Variants in RBFOX3 observed in about 807,000 individuals in gnomAD.
RBFOX3 encodes RNA binding protein fox-1 homolog 3.
In RBFOX3, 17 loss-of-function variants were observed where a neutral mutation model predicts 48.7. The observed-to-expected ratio is 0.35, with a 90% CI of 0.24 to 0.52. The LOEUF (loss-of-function observed/expected upper bound fraction) is 0.52, where lower values mean the gene tolerates loss of function less well. Ranked by LOEUF, RBFOX3 falls within the 20% of genes least tolerant of loss-of-function variation. The probability of loss-of-function intolerance (pLI) is 0.94; values close to 1 mark genes in which losing one functional copy is unlikely to be tolerated. For missense variants in RBFOX3, 382 were observed against 497.5 expected (o/e 0.77, Z 2.21); for synonymous variants, 212 against 209.5 (o/e 1.01, Z -0.10).
chr17:79,208,555 C>T (rs928536799), intron 4 of RBFOX3: 3 of 152,422 alleles, frequency 2.0e-5, no homozygotes, highest in African/African-American at 7.2e-5. Flanking sequence ...AGCTGTTCAT[C>T]TTCTCATGGA....
intron 1 of RBFOX3, among the ~76,000 whole-genome samples, chr17:79,608,895 C>T (rs1381458757): frequency 2.0e-5 from 3 of 152,024 alleles, no homozygotes; most frequent in Non-Finnish European, 4.4e-5. Flanking sequence ...GAAGGCGCGC[C>T]GGGATGGTTC....
intron 4 of RBFOX3, among the ~76,000 whole-genome samples, chr17:79,181,673 C>G (rs2051976180): frequency 6.9e-6 from 1 of 145,600 alleles, no homozygotes; most frequent in Non-Finnish European, 1.5e-5. Context: ...TGCTGGCCAC[C>G]CTCTGCTCCT....
intron 2 of RBFOX3, among the ~76,000 whole-genome samples, chr17:79,465,706 G>A (rs962259686): frequency 2.0e-5 from 3 of 152,326 alleles, no homozygotes; most frequent in East Asian, 1.9e-4. Flanking sequence ...GGCTCCCGTC[G>A]GGGCCTGCCC....
chr17:79,427,097 T>G, intron 2 of RBFOX3, among the ~76,000 whole-genome samples: 1 of 152,208 alleles, frequency 6.6e-6, no homozygotes, highest in East Asian at 1.9e-4. Flanking sequence ...CCCGAAGCTC[T>G]CTACATCCTC....
chr17:79,255,671 C>T (rs890355800), intron 3 of RBFOX3, among the ~76,000 whole-genome samples: 5 of 152,004 alleles, frequency 3.3e-5, no homozygotes, highest in African/African-American at 7.2e-5. Flanking sequence ...GCAGGGTGGC[C>T]GGTGCTCAGC....
rs577790795 is a variant in RBFOX3 at position 79,412,687 on chromosome 17, ATGTG to A, written c.-175+69763_-175+69766del. On this transcript the variant is annotated intron_variant, in intron 2 of 14. Transcript: ENST00000693108. ...GTGTGAGTGTATGGTATATGTGTATATGTGTGTATGCACATATGTGTATGTGTGA... is the reference window on the plus strand; with the variant it reads ...GTGTGAGTGTATGGTATATGTGTATATGTATGCACATATGTGTATGTGTGA... 3.5e-3 allele frequency among the ~76,000 whole-genome samples: 534 copies of A among 150,472 alleles called. 2 individuals are homozygous for A. The highest frequency in any genetic ancestry group is 0.013 in the African/African-American group (512 of 40,794).
intron 2 of RBFOX3, among the ~76,000 whole-genome samples, chr17:79,322,612 A>AG (rs1357873578): frequency 5.3e-5 from 8 of 152,144 alleles, no homozygotes; most frequent in African/African-American, 1.4e-4. Flanking sequence ...ACGACCCCGA[A>AG]GGGAGGGGGT....
At chr17:79,139,028 CCA>C (rs1412948372) in intron 4 of RBFOX3, among the ~76,000 whole-genome samples, 3 of 148,616 alleles carry the variant, frequency 2.0e-5, no homozygotes, top group Non-Finnish European at 4.5e-5. Flanking sequence ...ATGCCCTCAC[CCA>C]CACACGCACG....
chr17:79,177,068 G>A (rs1350063998), intron 4 of RBFOX3, among the ~76,000 whole-genome samples: 2 of 152,122 alleles, frequency 1.3e-5, no homozygotes, highest in South Asian at 2.1e-4. Context: ...CAGGAGCTCC[G>A]GACCTCCCTC....
At chr17:79,265,319 G>A (rs1246788027) in intron 3 of RBFOX3, among the ~76,000 whole-genome samples, 4 of 152,340 alleles carry the variant, frequency 2.6e-5, no homozygotes, top group Admixed American at 6.5e-5. Context: ...GTCTTCAGGC[G>A]GTCATGGGGA....
intron 1 of RBFOX3, among the ~76,000 whole-genome samples, chr17:79,585,807 C>G (rs902894644): frequency 1.3e-5 from 2 of 151,992 alleles, no homozygotes; most frequent in African/African-American, 2.4e-5. Flanking sequence ...CCTGATGGGC[C>G]GAGAGACAAG....
At chr17:79,129,252 G>T (rs755770378) in intron 4 of RBFOX3, among the ~76,000 whole-genome samples, 11 of 152,178 alleles carry the variant, frequency 7.2e-5, no homozygotes, top group Non-Finnish European at 1.2e-4. Context: ...CGCTAAACTG[G>T]CATTCTTGAT....
At chr17:79,153,772 C>T (rs1305236023) in intron 4 of RBFOX3, among the ~76,000 whole-genome samples, 1 of 152,232 alleles carries the variant, frequency 6.6e-6, no homozygotes, top group Non-Finnish European at 1.5e-5. Context: ...CCACCTTTGG[C>T]AATGGGCTTT....
Position 79,293,458 on chromosome 17 carries a change from T to TC in RBFOX3, c.-74+14265dup, listed in dbSNP as rs1567990210. On this transcript the variant is annotated intron_variant, in intron 3 of 14. Coordinates refer to ENST00000693108, the MANE Select transcript of RBFOX3 (RefSeq NM_001350451.2). ...TTCCTTCCTTCCTTCCTTCCTTCCTTCCTTCCTTCCCTTCCTTCCTGTCTC... is the reference window on the plus strand; with the variant it reads ...TTCCTTCCTTCCTTCCTTCCTTCCTTCCCTTCCTTCCCTTCCTTCCTGTCTC... 2.0e-3 allele frequency among the ~76,000 whole-genome samples: 199 copies of TC among 97,214 alleles called. 2 individuals carry two copies. Among genetic ancestry groups the TC allele is most frequent in the African/African-American group, 9.1e-3 (192 of 21,170 alleles). 63.8% of individuals were successfully genotyped at this position (97,214 alleles called of 152,430 possible).
chr17:79,221,475 G>A (rs528320821), intron 4 of RBFOX3, among the ~76,000 whole-genome samples: 1 of 152,350 alleles, frequency 6.6e-6, no homozygotes, highest in South Asian at 2.1e-4. Flanking sequence ...AGTGATGCAG[G>A]TTGGGGGGCC....
intron 2 of RBFOX3, among the ~76,000 whole-genome samples, chr17:79,339,836 G>T (rs149057130): frequency 1.5e-3 from 231 of 152,324 alleles, no homozygotes; most frequent in African/African-American, 5.4e-3. Context: ...GGACTGGATT[G>T]AACAGGTGTG....
intron 2 of RBFOX3, among the ~76,000 whole-genome samples, chr17:79,312,485 C>T (rs1219799559): frequency 6.6e-6 from 1 of 152,046 alleles, no homozygotes; most frequent in Non-Finnish European, 1.5e-5. Context: ...ATGAGTCTGC[C>T]AGGCGCTGTC....
intron 2 of RBFOX3, among the ~76,000 whole-genome samples, chr17:79,337,550 C>T (rs1372067509): frequency 6.6e-6 from 1 of 152,192 alleles, no homozygotes; most frequent in Non-Finnish European, 1.5e-5. Context: ...CCGAGGCGAG[C>T]AGATCACTTG....
intron 2 of RBFOX3, among the ~76,000 whole-genome samples, chr17:79,350,259 C>G (rs980215708): frequency 2.6e-5 from 4 of 152,178 alleles, no homozygotes; most frequent in Admixed American, 2.6e-4. Flanking sequence ...CTCTCCAGTC[C>G]TAGGGGCTTC....
Sources: allele counts gnomAD v4.1 joint callset (sites outside exome capture counted in the v4.1 genomes callset), GRCh38; gene constraint gnomAD v4.1.1; transcripts MANE v1.5; gene names NCBI Gene and HGNC (gene_info 2026-07-23, HGNC 2026-07-21).